Variants in RUBCNL observed in about 807,000 individuals in gnomAD.
RUBCNL encodes rubicon like autophagy enhancer.
In RUBCNL, 62 loss-of-function variants were observed where a neutral mutation model predicts 69.5. The ratio of observed to expected loss-of-function variants is 0.89; its 90% confidence interval spans 0.73 to 1.10. RUBCNL has a LOEUF of 1.10. RUBCNL is among the 50% of genes least tolerant of loss of function. RUBCNL has a pLI of 0.00. For missense variants in RUBCNL, 768 were observed against 798.1 expected (o/e 0.96, Z 0.45); for synonymous variants, 291 against 303.6 (o/e 0.96, Z 0.43).
intron 1 of RUBCNL, among the ~76,000 whole-genome samples, chr13:46,385,781 C>T (rs2138863494): frequency 6.6e-6 from 1 of 152,026 alleles, no homozygotes; most frequent in African/African-American, 2.4e-5. Flanking sequence ...TGTTGTTAAA[C>T]GGTTGCATGA....
chr13:46,348,253 G>A (rs2048291839), intron 12 of RUBCNL, among the ~76,000 whole-genome samples: 1 of 152,154 alleles, frequency 6.6e-6, no homozygotes, highest in South Asian at 2.1e-4. Context: ...TTTGGGGGCT[G>A]CATGGTGGTG....
chr13:46,387,138 C>G lies in RUBCNL; in HGVS notation c.-243G>C. 1.0e-6 allele frequency: 1 copy of G among 985,612 alleles called. No homozygotes were observed. Among genetic ancestry groups the G allele is most frequent in the Non-Finnish European group, 1.2e-6 (1 of 830,080 alleles). The allele number at this position is 985,612 out of a possible 1,614,324, so 61.1% of individuals were successfully genotyped here. On this transcript the variant is annotated 5_prime_UTR_variant, in exon 1 of 15. Transcript: ENST00000429979. The stretch of plus-strand genomic sequence containing the variant: ...CCCCGGCCCCGCCAGCCTCACCCAG[C>G]CAAACCCGAGCGGTGGAACGCTGCG...
chr13:46,364,532 C>T (rs1018365325), intron 5 of RUBCNL, among the ~76,000 whole-genome samples: 13 of 152,008 alleles, frequency 8.6e-5, no homozygotes, highest in Non-Finnish European at 1.0e-4. Context: ...GGGGTAAGAG[C>T]ACCCATCTGT....
chr13:46,381,243 G>T (rs1272216532), intron 1 of RUBCNL, among the ~76,000 whole-genome samples: 1 of 152,140 alleles, frequency 6.6e-6, no homozygotes, highest in African/African-American at 2.4e-5. Flanking sequence ...AATTAACAAA[G>T]TGTGCTATAT....
rs2048814212 is a variant in RUBCNL at position 46,368,736 on chromosome 13, TTC to T, written c.613_614del (p.Glu205LysfsTer22). On this transcript the variant is annotated frameshift_variant, in exon 4 of 15. Transcript: ENST00000429979. LOFTEE classifies it high-confidence loss of function. Reference sequence around the variant, plus strand: ...AAAGAAAGAAGATAGCATTCACCTTTTCTACATCAACAGGCAGCACAAATACC... The same window carrying T: ...AAAGAAAGAAGATAGCATTCACCTTTTACATCAACAGGCAGCACAAATACC... ...PEVFVLPVDV[E>X]KENAHFYVAD... 4.3e-6 allele frequency: 7 copies of T among 1,612,528 alleles called. No homozygotes were observed. Among genetic ancestry groups the T allele is most frequent in the Non-Finnish European group, 5.9e-6 (7 of 1,178,946 alleles).
intron 12 of RUBCNL, 43 bp downstream of exon 12, chr13:46,349,243 G>T: frequency 6.4e-7 from 1 of 1,563,054 alleles, no homozygotes; most frequent in Non-Finnish European, 8.8e-7. Flanking sequence ...AGGATTAGCA[G>T]ATGTATGGAG....
In RUBCNL at chr13:46,350,236, C is replaced by A; in HGVS notation, c.1446G>T (p.Lys482Asn). Residue 482 changes from lysine to asparagine, a missense_variant, in exon 11 of 15, where the codon AAG becomes AAT. Coordinates refer to ENST00000429979, the MANE Select transcript of RUBCNL (RefSeq NM_025113.5). ...PARILMMWDFKKYYVSNFSKQ... is the reference protein window; with the variant it reads ...PARILMMWDFNKYYVSNFSKQ... The stretch of plus-strand genomic sequence containing the variant: ...TGGAGAAATTGCTGACGTAGTACTT[C>A]TTGAAGTCCCACATCATCAGGATTC... 6.3e-7 allele frequency: 1 copy of A among 1,592,564 alleles called. No individual in the cohort carries two copies. The highest frequency in any genetic ancestry group is 1.8e-5 in the Admixed American group (1 of 56,554).
Position 46,339,814 on chromosome 13 carries a change from G to A in RUBCNL, c.*3571C>T, listed in dbSNP as rs983954050. 2.6e-5 allele frequency among the ~76,000 whole-genome samples: 4 copies of A among 151,922 alleles called. No individual in the cohort carries two copies. Among genetic ancestry groups the A allele is most frequent in the Non-Finnish European group, 5.9e-5 (4 of 67,994 alleles). Reference sequence around the variant, plus strand: ...GCGGAGGTTGAAGTGAGCTGAGATCGCACCACTGCACTATAGCCTGGGTGA... The same window carrying A: ...GCGGAGGTTGAAGTGAGCTGAGATCACACCACTGCACTATAGCCTGGGTGA... On this transcript the variant is annotated 3_prime_UTR_variant, in exon 15 of 15. Coordinates refer to ENST00000429979, the MANE Select transcript of RUBCNL (RefSeq NM_025113.5).
At chr13:46,356,981 G>A (rs1236139238) in intron 9 of RUBCNL, among the ~76,000 whole-genome samples, 2 of 148,532 alleles carry the variant, frequency 1.3e-5, no homozygotes, top group Non-Finnish European at 3.0e-5. Context: ...CCCCTACTTC[G>A]GCCTCCCAAA....
intron 2 of RUBCNL, 55 bp from the exon 3 acceptor site, chr13:46,372,652 T>A: frequency 2.8e-6 from 4 of 1,414,328 alleles, no homozygotes; most frequent in East Asian, 2.5e-5. Context: ...GTATTTTGGC[T>A]ACAAATTATT....
chr13:46,378,707 T>C (rs2049054711), intron 1 of RUBCNL: 1 of 152,250 alleles, frequency 6.6e-6, no homozygotes, highest in Admixed American at 6.5e-5. Flanking sequence ...ATGCCTACGG[T>C]GACCTCACAG....
chr13:46,343,391 T>G lies in RUBCNL; in HGVS notation c.1983A>C (p.Ala661=). The G allele has an allele frequency of 6.2e-7, 1 of 1,613,302 alleles. No homozygotes were observed. Among genetic ancestry groups the G allele is most frequent in the Non-Finnish European group, 8.5e-7 (1 of 1,179,596 alleles). Residue 661 remains alanine, a synonymous_variant, in exon 15 of 15, where the codon GCA becomes GCC. Transcript: ENST00000429979. The part of the protein sequence containing the change: ...RKLLESVASA[A]T ...TTCACAGTACTCAGGGGCATCATGT[T>G]GCTGCAGAGGCCACACTTTCCAGAA...
At position 46,337,380 on chromosome 13, in the gene RUBCNL, G is replaced by A. The variant is rs575486937; in HGVS notation, c.*6005C>T. On this transcript the variant is annotated 3_prime_UTR_variant, in exon 15 of 15. Coordinates refer to ENST00000429979, the MANE Select transcript of RUBCNL (RefSeq NM_025113.5). Reference sequence around the variant, plus strand: ...TCTCAATCTCCTGACCTCGTGATATGCCTGTCTCAGCCTGAGGCATATATC... The same window carrying A: ...TCTCAATCTCCTGACCTCGTGATATACCTGTCTCAGCCTGAGGCATATATC... Among the ~76,000 whole-genome samples, 17 of 152,094 alleles carry A rather than the reference G, an allele frequency of 1.1e-4. No individual in the cohort carries two copies. Among genetic ancestry groups the A allele is most frequent in the Non-Finnish European group, 1.9e-4 (13 of 68,018 alleles).
In RUBCNL at chr13:46,361,536, A is replaced by C. The variant is rs375072449; in HGVS notation, c.1024T>G (p.Leu342Val). Residue 342 changes from leucine (L) to valine (V), a missense_variant, in exon 8 of 15, where the codon TTA (leucine) becomes GTA (valine). Coordinates refer to ENST00000429979, the MANE Select transcript of RUBCNL (RefSeq NM_025113.5). ...AACACGCGGTACAGCTCTTTGGCTA[A>C]TAGTTCTGCAGAATTGAAGTCTGGC... ...YEPDFNSAELLAKELYRVFQK... is the reference protein window; with the variant it reads ...YEPDFNSAELVAKELYRVFQK... 1.7e-5 allele frequency: 28 copies of C among 1,609,734 alleles called. No individual in the cohort carries two copies. The highest frequency in any genetic ancestry group is 2.4e-5 in the Non-Finnish European group (28 of 1,177,776).
intron 1 of RUBCNL, chr13:46,378,754 G>A (rs1319448259): frequency 2.6e-5 from 4 of 152,262 alleles, no homozygotes; most frequent in Non-Finnish European, 5.9e-5. Context: ...CACTTGGAGG[G>A]CAGAGCAGCT....
intron 10 of RUBCNL, among the ~76,000 whole-genome samples, chr13:46,352,378 A>G (rs1454248032): frequency 6.6e-6 from 1 of 152,230 alleles, no homozygotes; most frequent in African/African-American, 2.4e-5. Context: ...TAACTAAAAT[A>G]CCATACAGCA....
In RUBCNL at chr13:46,371,966, G is replaced by A; in HGVS notation, c.510C>T (p.Ser170=). 1 of 1,613,978 alleles carries A rather than the reference G, an allele frequency of 6.2e-7. No homozygotes were observed. Among genetic ancestry groups the A allele is most frequent in the Non-Finnish European group, 8.5e-7 (1 of 1,179,874 alleles). Residue 170 remains serine (S), a synonymous_variant, in exon 3 of 15, where the codon TCC becomes TCT. Coordinates refer to ENST00000429979, the MANE Select transcript of RUBCNL (RefSeq NM_025113.5). The stretch of plus-strand genomic sequence containing the variant: ...CTTCATCAGCAGCAGATGTCAGATG[G>A]GAAGGCTCAAAAAAAGCACTGTCAG... The part of the protein sequence containing the change: ...PETDSAFFEP[S]HLTSAADEGA...
chr13:46,376,500 G>A (rs2765625), intron 2 of RUBCNL, among the ~76,000 whole-genome samples: 59,440 of 151,814 alleles, frequency 0.39, 12,220 homozygotes, highest in East Asian at 0.59. Flanking sequence ...ACCAGCCCAA[G>A]ATGCCTATCT....
Position 46,338,318 on chromosome 13 carries a change from G to A in RUBCNL, c.*5067C>T, listed in dbSNP as rs376722697. On this transcript the variant is annotated 3_prime_UTR_variant, in exon 15 of 15. Coordinates refer to ENST00000429979, the MANE Select transcript of RUBCNL (RefSeq NM_025113.5). ...CACTGCTCTGCTCTGGAGCATGGTG[G>A]CTCAGGTATAGCTAGCATTGGGCCA... Among the ~76,000 whole-genome samples, 337 of 152,284 alleles carry A rather than the reference G, an allele frequency of 2.2e-3. 4 individuals are homozygous for A. The highest frequency in any genetic ancestry group is 0.012 in the South Asian group (56 of 4,824).
Sources: allele counts gnomAD v4.1 joint callset (sites outside exome capture counted in the v4.1 genomes callset), GRCh38; gene constraint gnomAD v4.1.1; transcripts MANE v1.5; gene names NCBI Gene and HGNC (gene_info 2026-07-23, HGNC 2026-07-21).